MYOM3: variants seen among roughly 807,000 people sequenced by gnomAD.
MYOM3 encodes myomesin 3.
In MYOM3, 155 loss-of-function variants were observed where a neutral mutation model predicts 191.7. That is an observed-to-expected ratio of 0.81 (90% CI 0.71 to 0.92). MYOM3 has a LOEUF of 0.92. Among genes scored for constraint, MYOM3 ranks in the 40% least tolerant of loss-of-function variants. The probability of loss-of-function intolerance (pLI) is 0.00; values close to 1 mark genes in which losing one functional copy is unlikely to be tolerated. For missense variants in MYOM3, 1,889 were observed against 1,890.6 expected, an observed-to-expected ratio of 1.00 and a Z score of 0.02; for synonymous variants, 757 against 762.9, an observed-to-expected ratio of 0.99 and a Z score of 0.13.
chr1:24,093,769 C>T (rs1359886526), intron 9 of MYOM3, among the ~76,000 whole-genome samples: 1 of 152,132 alleles, frequency 6.6e-6, no homozygotes, highest in East Asian at 1.9e-4. Flanking sequence ...GACGTCTCAG[C>T]CTTGTTATTG....
intron 1 of MYOM3, among the ~76,000 whole-genome samples, chr1:24,110,332 G>A (rs1425363964): frequency 9.6e-6 from 1 of 103,652 alleles, no homozygotes; most frequent in African/African-American, 4.6e-5. Context: ...CCTGCTGGAG[G>A]TGGCAGCGTG....
chr1:24,074,197 A>T lies in MYOM3; in HGVS notation c.2931T>A (p.Asp977Glu). The change falls in exon 23 of 37, where the codon GAT (aspartate) becomes GAA (glutamate). Residue 977 changes from aspartate (D) to glutamate (E), a missense_variant. Coordinates refer to ENST00000374434, the MANE Select transcript of MYOM3 (RefSeq NM_152372.4). ...GCGTGTGGCTTGCGGAGATGTCTTC[A>T]TCGGCATCAGTGACTATGACTGAGT... is the stretch of plus-strand genomic sequence containing the variant. ...GTYSVIVTDA[D>E]EDISASHTLT... 6.2e-7 allele frequency: 1 copy of T among 1,614,092 alleles called. No homozygotes were observed. The highest frequency in any genetic ancestry group is 8.5e-7 in the Non-Finnish European group (1 of 1,179,984).
Position 24,067,018 on chromosome 1 carries a change from T to G in MYOM3, c.3423+3A>C. 1.3e-6 allele frequency: 2 copies of G among 1,567,030 alleles called. No homozygotes were observed. The highest frequency in any genetic ancestry group is 1.7e-6 in the Non-Finnish European group (2 of 1,154,378). The stretch of plus-strand genomic sequence containing the variant: ...CCTGGGGGCAGGGCAGGGCAGGACT[T>G]GCCTTGCACGTCAGCTGCACTTGGC... On this transcript the variant is annotated splice_donor_region_variant and intron_variant, in intron 28 of 36. Coordinates refer to ENST00000374434, the MANE Select transcript of MYOM3 (RefSeq NM_152372.4).
intron 4 of MYOM3, 44 bp from the exon 5 acceptor site, chr1:24,106,121 C>T: frequency 1.9e-6 from 3 of 1,547,338 alleles, no homozygotes; most frequent in Non-Finnish European, 2.6e-6. Context: ...CCAGGGACCA[C>T]CTCTCTGCCA....
intron 13 of MYOM3, 136 bp from the exon 14 acceptor site, chr1:24,089,801 T>C: frequency 1.8e-6 from 2 of 1,110,656 alleles, no homozygotes; most frequent in Non-Finnish European, 2.5e-6. Context: ...TCCAGGTCAC[T>C]CAGCAATGCT....
At chr1:24,100,720 C>A (rs141387022) in intron 5 of MYOM3, among the ~76,000 whole-genome samples, 1 of 152,014 alleles carries the variant, frequency 6.6e-6, no homozygotes, top group Non-Finnish European at 1.5e-5. Flanking sequence ...CCCCGTTTCT[C>A]CTAAAAATAC....
chr1:24,082,347 G>A, intron 17 of MYOM3, 159 bp from the exon 18 acceptor site: 1 of 868,466 alleles, frequency 1.2e-6, no homozygotes, highest in South Asian at 1.9e-5. Flanking sequence ...GAGGGCATCG[G>A]AGCCTCAGGT....
intron 7 of MYOM3, among the ~76,000 whole-genome samples, chr1:24,097,281 A>T (rs368526217): frequency 6.6e-6 from 1 of 152,198 alleles, no homozygotes; most frequent in East Asian, 1.9e-4. Flanking sequence ...ACCTAAGCGC[A>T]ATCCGGTGGG....
intron 23 of MYOM3, 38 bp from the exon 24 acceptor site, chr1:24,072,051 T>C: frequency 6.2e-7 from 1 of 1,609,300 alleles, no homozygotes; most frequent in South Asian, 1.1e-5. Flanking sequence ...CCAGAGAGAA[T>C]GAAATATCCT....
At chr1:24,073,807 G>A (rs112709089) in intron 23 of MYOM3, among the ~76,000 whole-genome samples, 3 of 147,724 alleles carry the variant, frequency 2.0e-5, no homozygotes, top group African/African-American at 7.6e-5. Flanking sequence ...AGGTTGCAGT[G>A]AGCCGAGATC....
intron 35 of MYOM3, among the ~76,000 whole-genome samples, chr1:24,059,517 C>T (rs1007480796): frequency 1.3e-5 from 2 of 152,226 alleles, no homozygotes; most frequent in Admixed American, 6.5e-5. Flanking sequence ...TTTTCTGCCA[C>T]TGATCTGAGG....
Position 24,108,665 on chromosome 1 carries a change from C to T in MYOM3, c.-18-11G>A. On this transcript the variant is annotated splice_polypyrimidine_tract_variant and intron_variant, in intron 1 of 36. Transcript: ENST00000374434. ...TACGAGAGCAACAACCTGTGAAGGC[C>T]AAGGTCCACGGTCATTCCACCAGGT... 2 of 1,527,534 alleles carry T rather than the reference C, an allele frequency of 1.3e-6. No homozygotes were observed. Among genetic ancestry groups the T allele is most frequent in the Non-Finnish European group, 1.8e-6 (2 of 1,139,262 alleles). 94.6% of individuals were successfully genotyped at this position (1,527,534 alleles called of 1,614,324 possible). A position where few individuals can be genotyped will look rare whatever the true frequency, so the allele number is the denominator to read the frequency against.
At chr1:24,067,387 TTTCCTTCCTTCC>T (rs55795415) in intron 27 of MYOM3, among the ~76,000 whole-genome samples, 4,120 of 62,810 alleles carry the variant, frequency 0.066, 332 homozygotes, top group South Asian at 0.12. Flanking sequence ...TTTCTTTCTT[TTTCCTTCCTTCC>T]TTCCTTCCTT....
chr1:24,058,853 C>T (rs376706742), intron 36 of MYOM3, 71 bp downstream of exon 36: 75 of 1,139,622 alleles, frequency 6.6e-5, no homozygotes, highest in Admixed American at 3.0e-4. Context: ...TGCATTGTTT[C>T]GTGATCTGTG....
At chr1:24,092,419 G>A (rs1643850631) in intron 10 of MYOM3, 104 bp from the exon 11 acceptor site, 4 of 1,057,454 alleles carry the variant, frequency 3.8e-6, no homozygotes, top group African/African-American at 1.6e-5. Flanking sequence ...TCCTCCAGGG[G>A]CTCAGTTTTG....
At chr1:24,093,829 G>C (rs1643864438) in intron 9 of MYOM3, among the ~76,000 whole-genome samples, 1 of 152,174 alleles carries the variant, frequency 6.6e-6, no homozygotes, top group African/African-American at 2.4e-5. Flanking sequence ...CCCAGCAGGT[G>C]CAGCCTCCCT....
chr1:24,108,944 C>G (rs4648933), intron 1 of MYOM3, among the ~76,000 whole-genome samples: 2 of 152,110 alleles, frequency 1.3e-5, no homozygotes, highest in Non-Finnish European at 2.9e-5. Flanking sequence ...CTTCCAGCTG[C>G]AGCCCAGCCC....
At chr1:24,110,538 T>C (rs990737377) in intron 1 of MYOM3, among the ~76,000 whole-genome samples, 2 of 152,102 alleles carry the variant, frequency 1.3e-5, no homozygotes, top group African/African-American at 4.8e-5. Flanking sequence ...GCTCGGGCTG[T>C]GGAGGGTCAG....
At chr1:24,060,124 T>C (rs1643351884) in intron 35 of MYOM3, among the ~76,000 whole-genome samples, 1 of 152,168 alleles carries the variant, frequency 6.6e-6, no homozygotes, top group Non-Finnish European at 1.5e-5. Flanking sequence ...GATGACGCAT[T>C]CCACTATGGG....
Sources: allele counts gnomAD v4.1 joint callset (sites outside exome capture counted in the v4.1 genomes callset), GRCh38; gene constraint gnomAD v4.1.1; transcripts MANE v1.5; gene names NCBI Gene and HGNC (gene_info 2026-07-23, HGNC 2026-07-21).